HMCN2: variants seen among roughly 807,000 people sequenced by gnomAD.
The protein encoded by HMCN2 is hemicentin-2.
HMCN2 carries 325 observed loss-of-function variants against 377.5 expected under a neutral mutation model. The ratio of observed to expected loss-of-function variants is 0.86; its 90% CI spans 0.79 to 0.94. The LOEUF (loss-of-function observed/expected upper bound fraction) is 0.94. Ranked by LOEUF, HMCN2 falls within the 40% of genes least tolerant of loss-of-function variation. HMCN2 has a pLI of 0.00. For synonymous variants in HMCN2, 2,007 were observed against 2,046.8 expected (o/e 0.98, Z 0.53); for missense variants, 4,543 against 4,725.3 (o/e 0.96, Z 1.13).
At position 130,427,363 on chromosome 9, in the gene HMCN2, G is replaced by A. The variant is rs553134249; in HGVS notation, c.13930G>A (p.Ala4644Thr). 3,833 of 1,550,586 alleles carry A rather than the reference G, an allele frequency of 2.5e-3. 6 individuals carry two copies. Among genetic ancestry groups the A allele is most frequent in the Non-Finnish European group, 3.0e-3 (3,388 of 1,146,994 alleles). Residue 4644 changes from alanine to threonine, a missense_variant, in exon 91 of 98, where the codon GCG (alanine) becomes ACG (threonine). Ala to Thr is a moderately conservative substitution (Grantham distance 58, BLOSUM62 0). Coordinates refer to ENST00000683500, the MANE Select transcript of HMCN2 (RefSeq NM_001291815.2). ...PEGFELDSQG[A>T]FCVDRDECSG... The stretch of plus-strand genomic sequence containing the variant: ...GGGCTTTGAGCTGGACTCCCAGGGA[G>A]CGTTTTGTGTGGGTGAGCGCCCCCA...
chr9:130,433,576 C>T lies in HMCN2; in HGVS notation c.15123C>T (p.Val5041=). The change falls in exon 98 of 98, where the codon GTC becomes GTT. Residue 5041 remains valine (V), a synonymous_variant. Coordinates refer to ENST00000683500, the MANE Select transcript of HMCN2 (RefSeq NM_001291815.2). ...CGCTGCGCGCGGGCCTTGGCGCGGT[C>T]TACACCCGTCGCGCGCTCACCCGCG... ...LRPLRAGLGA[V]YTRRALTRAG... is the part of the protein sequence containing the mutation. 1 of 1,507,072 alleles carries T rather than the reference C, an allele frequency of 6.6e-7. No homozygotes were observed. The highest frequency in any genetic ancestry group is 1.5e-5 in the African/African-American group (1 of 68,626). The allele number at this position is 1,507,072 out of a possible 1,614,324, so 93.4% of individuals were successfully genotyped here.
chr9:130,309,628 G>A (rs1837108253), intron 14 of HMCN2, among the ~76,000 whole-genome samples: 2 of 151,680 alleles, frequency 1.3e-5, no homozygotes, highest in Admixed American at 1.3e-4. Flanking sequence ...GGGTGGAGGA[G>A]TGGACACCAG....
At chr9:130,405,726 G>A (rs1477252756) in intron 81 of HMCN2, among the ~76,000 whole-genome samples, 1 of 152,258 alleles carries the variant, frequency 6.6e-6, no homozygotes, top group Non-Finnish European at 1.5e-5. Context: ...ACTGGCTATT[G>A]CGATCATGCA....
At chr9:130,315,184 T>C (rs1489923227) in intron 15 of HMCN2, among the ~76,000 whole-genome samples, 1 of 53,686 alleles carries the variant, frequency 1.9e-5, no homozygotes. Context: ...CTTCCTCCCT[T>C]CCTCCCTCCC....
chr9:130,409,353 G>A (rs1180904634), intron 84 of HMCN2, among the ~76,000 whole-genome samples: 1 of 152,216 alleles, frequency 6.6e-6, no homozygotes, highest in Non-Finnish European at 1.5e-5. Flanking sequence ...GCAGGAGGCA[G>A]CGCCCCCACC....
intron 85 of HMCN2, among the ~76,000 whole-genome samples, chr9:130,411,741 A>AG (rs1039315636): frequency 1.1e-4 from 17 of 152,154 alleles, no homozygotes; most frequent in African/African-American, 3.6e-4. Flanking sequence ...TGTTTATATG[A>AG]GGGGCCTAGA....
intron 95 of HMCN2, chr9:130,431,148 C>T (rs1192941648): frequency 4.1e-5 from 24 of 591,878 alleles, no homozygotes; most frequent in Non-Finnish European, 6.6e-5. Context: ...TCCTTCTATG[C>T]CTTGGTGAGC....
intron 40 of HMCN2, among the ~76,000 whole-genome samples, chr9:130,363,739 C>T (rs1269595764): frequency 2.0e-5 from 3 of 150,430 alleles, no homozygotes; most frequent in Non-Finnish European, 3.0e-5. Flanking sequence ...AGGAGAATCA[C>T]TTGAACCTGG....
At chr9:130,317,913 G>A (rs888821032) in intron 15 of HMCN2, among the ~76,000 whole-genome samples, 2 of 152,124 alleles carry the variant, frequency 1.3e-5, no homozygotes, top group Admixed American at 6.5e-5. Context: ...TTCTTGGAGT[G>A]GGAGGCTGCA....
chr9:130,389,781 G>A (rs887186896), intron 62 of HMCN2, among the ~76,000 whole-genome samples: 1 of 152,110 alleles, frequency 6.6e-6, no homozygotes, highest in Non-Finnish European at 1.5e-5. Context: ...CACCATGTTG[G>A]TCAGGCTGGT....
At chr9:130,330,608 C>G (rs1029047946) in intron 22 of HMCN2, among the ~76,000 whole-genome samples, 1 of 152,068 alleles carries the variant, frequency 6.6e-6, no homozygotes, top group Non-Finnish European at 1.5e-5. Context: ...TTCGACCCCC[C>G]CAAGTCAGCA....
intron 19 of HMCN2, among the ~76,000 whole-genome samples, chr9:130,322,802 C>A (rs1168608564): frequency 3.3e-5 from 5 of 152,242 alleles, no homozygotes; most frequent in Admixed American, 2.0e-4. Context: ...ATTCACCCAA[C>A]TGGAACCACT....
intron 4 of HMCN2, among the ~76,000 whole-genome samples, chr9:130,294,044 G>A (rs907534682): frequency 6.6e-6 from 1 of 152,158 alleles, no homozygotes; most frequent in African/African-American, 2.4e-5. Flanking sequence ...CAGTGACCTT[G>A]GGTTGGCATA....
chr9:130,381,134 G>A (rs1039517441), intron 54 of HMCN2, among the ~76,000 whole-genome samples: 3 of 152,112 alleles, frequency 2.0e-5, no homozygotes, highest in African/African-American at 7.2e-5. Context: ...TCATGGTCAC[G>A]GCTGACCTGA....
At chr9:130,392,231 C>A in intron 66 of HMCN2, 113 bp downstream of exon 66, 1 of 751,104 alleles carries the variant, frequency 1.3e-6, no homozygotes, top group Middle Eastern at 3.3e-4. Context: ...CCACTCCCCA[C>A]CCCACAGCGA....
At chr9:130,413,357 C>T (rs1439590672) in intron 85 of HMCN2, among the ~76,000 whole-genome samples, 1 of 152,208 alleles carries the variant, frequency 6.6e-6, no homozygotes, top group Non-Finnish European at 1.5e-5. Flanking sequence ...GTCAGTCTCT[C>T]ACCATGGGGC....
At chr9:130,400,684 C>T (rs917827932) in intron 76 of HMCN2, 99 bp from the exon 77 acceptor site, 21 of 906,254 alleles carry the variant, frequency 2.3e-5, no homozygotes, top group Non-Finnish European at 3.0e-5. Context: ...GGCCCTTTGT[C>T]ACTGATGTCA....
In HMCN2 at chr9:130,403,243, G is replaced by A. The variant is rs751919660; in HGVS notation, c.11928G>A (p.Glu3976=). The stretch of plus-strand genomic sequence containing the variant: ...CCAGCGTGGTTCGGGCAGTGGCAGA[G>A]GAGGAGGTGCTGCTGCCCTGCGAGG... The part of the protein sequence containing the change: ...PLPSVVRAVA[E]EEVLLPCEAS... The change falls in exon 79 of 98, where the codon GAG becomes GAA. Residue 3976 remains glutamate (E), a synonymous_variant. Coordinates refer to ENST00000683500, the MANE Select transcript of HMCN2 (RefSeq NM_001291815.2). 8.1e-5 allele frequency: 104 copies of A among 1,289,812 alleles called. No individual in the cohort carries two copies. In the African/African-American group the frequency reaches 1.5e-3, roughly 18 times the overall value. 79.9% of individuals were successfully genotyped at this position (1,289,812 alleles called of 1,614,324 possible). A position where few individuals can be genotyped will look rare whatever the true frequency, so the allele number is the denominator to read the frequency against.
chr9:130,348,946 TC>T, intron 27 of HMCN2, 37 bp from the exon 28 acceptor site: 1 of 1,291,880 alleles, frequency 7.7e-7, no homozygotes, highest in Non-Finnish European at 1.0e-6. Context: ...GGTGGCTGGA[TC>T]CCCTCTTACT....
Sources: gnomAD v4.1 joint callset for allele counts (sites outside exome capture counted in the v4.1 genomes callset) on GRCh38, gnomAD v4.1.1 for gene constraint, MANE v1.5 for transcripts, NCBI Gene and HGNC (gene_info 2026-07-23, HGNC 2026-07-21) for gene names.